SBF2: variants seen among roughly 807,000 people sequenced by gnomAD.
The protein encoded by SBF2 is SET binding factor 2, also known as myotubularin-related protein 13.
In SBF2, 112 loss-of-function variants were observed where a neutral mutation model predicts 225.2. That is an observed-to-expected ratio of 0.50 (90% CI 0.43 to 0.58). The LOEUF is 0.58. Among genes scored for constraint, SBF2 ranks in the 20% least tolerant of loss-of-function variants. The pLI is 0.00. For synonymous variants in SBF2, 763 were observed against 773.3 expected (o/e 0.99, Z 0.22); for missense variants, 1,996 against 2,206.2 (o/e 0.90, Z 1.91).
At chr11:10,182,856 C>T (rs1427601306) in intron 2 of SBF2, among the ~76,000 whole-genome samples, 1 of 152,058 alleles carries the variant, frequency 6.6e-6, no homozygotes, top group African/African-American at 2.4e-5. Flanking sequence ...TCACTGCAAC[C>T]TCCGTGTCCT....
At chr11:10,299,663 T>C (rs1347461208) in intron 1 of SBF2, among the ~76,000 whole-genome samples, 1 of 150,776 alleles carries the variant, frequency 6.6e-6, no homozygotes, top group Non-Finnish European at 1.5e-5. Flanking sequence ...CTGAACAGAG[T>C]GTATGTCAGT....
intron 2 of SBF2, among the ~76,000 whole-genome samples, chr11:10,120,851 C>G (rs538228934): frequency 4.9e-4 from 75 of 152,346 alleles, no homozygotes; most frequent in African/African-American, 1.7e-3. Flanking sequence ...AACTCCTGAC[C>G]TTGTGATCCA....
At chr11:10,017,711 C>T (rs140568178) in intron 6 of SBF2, among the ~76,000 whole-genome samples, 130 of 152,264 alleles carry the variant, frequency 8.5e-4, no homozygotes, top group Middle Eastern at 6.8e-3. Context: ...AACACAGACT[C>T]AACCCCCTGA....
At chr11:10,112,002 C>A (rs962734468) in intron 2 of SBF2, among the ~76,000 whole-genome samples, 1 of 152,186 alleles carries the variant, frequency 6.6e-6, no homozygotes, top group East Asian at 1.9e-4. Context: ...ATTTAGACAT[C>A]AAATTTGAAT....
chr11:10,080,305 T>C (rs1350462809), intron 2 of SBF2, among the ~76,000 whole-genome samples: 3 of 130,266 alleles, frequency 2.3e-5, no homozygotes, highest in Non-Finnish European at 5.0e-5. Context: ...CTAGAATAAG[T>C]AAAGGAGTAA....
chr11:9,978,430 G>A (rs911021420), intron 13 of SBF2, among the ~76,000 whole-genome samples: 4 of 151,824 alleles, frequency 2.6e-5, no homozygotes, highest in Admixed American at 1.3e-4. Flanking sequence ...GCACTAATAA[G>A]TACTTAACTA....
chr11:9,898,044 G>A (rs1272840701), intron 16 of SBF2, among the ~76,000 whole-genome samples: 1 of 151,314 alleles, frequency 6.6e-6, no homozygotes, highest in Non-Finnish European at 1.5e-5. Context: ...GTGCCCGGGA[G>A]AAGCACTCCA....
chr11:9,940,178 C>T lies in SBF2; in HGVS notation c.1860+21779G>A, dbSNP rs962801389. On this transcript the variant is annotated intron_variant, in intron 16 of 39. Coordinates refer to ENST00000256190, the MANE Select transcript of SBF2 (RefSeq NM_030962.4). ...CAGCACTTTGGAAGGCTGAGGCAGGCGGATCACGAGGTCAAGAGATCGAGA... is the reference window on the plus strand; with the variant it reads ...CAGCACTTTGGAAGGCTGAGGCAGGTGGATCACGAGGTCAAGAGATCGAGA... Among the ~76,000 whole-genome samples, 7 of 151,986 alleles carry T rather than the reference C, an allele frequency of 4.6e-5. No homozygotes were observed. The East Asian group carries it at 5.8e-4, about 13-fold the overall frequency.
chr11:9,792,939 G>GTTTT (rs34305025), intron 33 of SBF2, among the ~76,000 whole-genome samples: 2 of 121,204 alleles, frequency 1.7e-5, no homozygotes, highest in African/African-American at 6.3e-5. Context: ...GTGTGTGTGT[G>GTTTT]TTTTTTTTTT....
intron 2 of SBF2, among the ~76,000 whole-genome samples, chr11:10,087,038 T>C (rs534727911): frequency 8.8e-4 from 134 of 152,320 alleles, no homozygotes; most frequent in African/African-American, 3.1e-3. Flanking sequence ...TGTGCTATTA[T>C]TTTATTTTAT....
intron 1 of SBF2, among the ~76,000 whole-genome samples, chr11:10,228,278 T>G (rs953312831): frequency 6.6e-6 from 1 of 152,214 alleles, no homozygotes; most frequent in Admixed American, 6.5e-5. Flanking sequence ...CAGGGACAGT[T>G]TGACTTCCTC....
chr11:10,241,156 C>T lies in SBF2; in HGVS notation c.56-47169G>A, dbSNP rs1182319981. 3.3e-5 allele frequency among the ~76,000 whole-genome samples: 5 copies of T among 152,062 alleles called. No individual in the cohort carries two copies. The South Asian group carries it at 1.0e-3, about 32-fold the overall frequency. On this transcript the variant is annotated intron_variant, in intron 1 of 39. Coordinates refer to ENST00000256190, the MANE Select transcript of SBF2 (RefSeq NM_030962.4). ...ACTTGAGGTCAGAAGTTTGAAACCA[C>T]CCTGGCCAACACGGTGAAACTCCAT...
At chr11:9,786,933 C>A (rs1052762893) in intron 36 of SBF2, among the ~76,000 whole-genome samples, 2 of 152,182 alleles carry the variant, frequency 1.3e-5, no homozygotes, top group Non-Finnish European at 2.9e-5. Context: ...TGTTCTGTCA[C>A]GAGGCTGGAG....
chr11:10,102,940 CAT>C (rs1485327587), intron 2 of SBF2, among the ~76,000 whole-genome samples: 10 of 152,056 alleles, frequency 6.6e-5, no homozygotes, highest in Non-Finnish European at 1.3e-4. Flanking sequence ...CTAATAAAAA[CAT>C]AAAATTTTTC....
At chr11:10,111,399 A>G (rs1952834667) in intron 2 of SBF2, among the ~76,000 whole-genome samples, 1 of 152,246 alleles carries the variant, frequency 6.6e-6, no homozygotes, top group Non-Finnish European at 1.5e-5. Context: ...GTAAAGTTGT[A>G]CAATCACTCA....
chr11:10,261,432 G>A (rs1421955020), intron 1 of SBF2, among the ~76,000 whole-genome samples: 2 of 152,050 alleles, frequency 1.3e-5, no homozygotes, highest in South Asian at 2.1e-4. Context: ...GAAACTCCTA[G>A]GCTCAGGTGA....
intron 19 of SBF2, among the ~76,000 whole-genome samples, chr11:9,856,108 G>C (rs1294844408): frequency 6.6e-6 from 1 of 152,172 alleles, no homozygotes; most frequent in Non-Finnish European, 1.5e-5. Context: ...AGGAAAAGGA[G>C]GGCTGAGAAA....
intron 2 of SBF2, among the ~76,000 whole-genome samples, chr11:10,053,363 T>C (rs1950129219): frequency 6.6e-6 from 1 of 152,200 alleles, no homozygotes; most frequent in African/African-American, 2.4e-5. Context: ...TATCCTTGAA[T>C]TCCTTTTTAA....
At chr11:9,805,662 T>A (rs530822201) in intron 32 of SBF2, among the ~76,000 whole-genome samples, 230 of 152,188 alleles carry the variant, frequency 1.5e-3, no homozygotes, top group African/African-American at 5.2e-3. Flanking sequence ...TCGCTCTGTC[T>A]CCCAGGCTGC....
Sources: allele counts gnomAD v4.1 joint callset (sites outside exome capture counted in the v4.1 genomes callset), GRCh38; gene constraint gnomAD v4.1.1; transcripts MANE v1.5; gene names NCBI Gene and HGNC (gene_info 2026-07-23, HGNC 2026-07-21).